Variants in DCPS observed in about 807,000 individuals in gnomAD.
DCPS encodes decapping enzyme, scavenger.
A neutral mutation model predicts 34.7 loss-of-function variants in DCPS; 27 were observed. The ratio of observed to expected loss-of-function variants is 0.78; its 90% CI spans 0.57 to 1.07. The LOEUF is 1.07. Ranked by LOEUF, DCPS falls within the 50% of genes least tolerant of loss-of-function variation. The pLI is 0.00. For synonymous variants in DCPS, 185 were observed against 185.7 expected (o/e 1.00, Z 0.03); for missense variants, 464 against 436.9 (o/e 1.06, Z -0.55).
At position 126,332,196 on chromosome 11, in the gene DCPS, G is replaced by T. The variant is rs1951799382; in HGVS notation, c.522+646G>T. 6.6e-6 allele frequency among the ~76,000 whole-genome samples: 1 copy of T among 152,202 alleles called. No homozygotes were observed. Among genetic ancestry groups the T allele is most frequent in the Admixed American group, 6.5e-5 (1 of 15,284 alleles). ...TCCCCCTTGCATTCGTCCAAAAGAA[G>T]GCAGGACCCCATTGGCCCCGGGGAT... On this transcript the variant is annotated intron_variant, in intron 3 of 5. Coordinates refer to ENST00000263579, the MANE Select transcript of DCPS (RefSeq NM_014026.6). This position sits in a 1 kb window ranked among gnomAD's most constrained non-coding sequence, Gnocchi z 5.4.
At chr11:126,324,383 C>T (rs746436806) in intron 2 of DCPS, among the ~76,000 whole-genome samples, 1 of 151,832 alleles carries the variant, frequency 6.6e-6, no homozygotes, top group Non-Finnish European at 1.5e-5. Context: ...AATAATAATG[C>T]CACACTAAAG....
intron 2 of DCPS, among the ~76,000 whole-genome samples, chr11:126,321,367 T>C (rs1162663450): frequency 6.6e-6 from 1 of 152,046 alleles, no homozygotes; most frequent in African/African-American, 2.4e-5. Flanking sequence ...GAGTGGATGT[T>C]TACACCTTGA....
intron 2 of DCPS, among the ~76,000 whole-genome samples, chr11:126,308,168 A>G (rs1195229044): frequency 6.6e-6 from 1 of 152,180 alleles, no homozygotes; most frequent in Non-Finnish European, 1.5e-5. Context: ...TGACATGTGC[A>G]TTTTTTCTCA....
rs1053440857 is a variant in DCPS at position 126,312,603 on chromosome 11, A to C, written c.376+5859A>C. Among the ~76,000 whole-genome samples, 1 of 152,090 alleles carries C rather than the reference A, an allele frequency of 6.6e-6. No individual in the cohort carries two copies. The highest frequency in any genetic ancestry group is 1.5e-5 in the Non-Finnish European group (1 of 68,026). On this transcript the variant is annotated intron_variant, in intron 2 of 5. Coordinates refer to ENST00000263579, the MANE Select transcript of DCPS (RefSeq NM_014026.6). This position sits in a 1 kb window ranked among gnomAD's most constrained non-coding sequence, Gnocchi z 5.1. ...TGATCCGCCCGCTTTGGCTGCTCAG[A>C]GTGCTGGGATTACAGGAGTGAGCCA...
Position 126,323,070 on chromosome 11 carries a change from C to T in DCPS, c.377-8335C>T, listed in dbSNP as rs1490060885. ...TCGAACTCCTGGGCTCAATAGATTT[C>T]CCCCCTGTTTCAGCCTCCCAAAGTG... On this transcript the variant is annotated intron_variant, in intron 2 of 5. Coordinates refer to ENST00000263579, the MANE Select transcript of DCPS (RefSeq NM_014026.6). The surrounding 1 kb of genome is among the most constrained non-coding windows in gnomAD (Gnocchi z 4.4). Among the ~76,000 whole-genome samples, 1 of 150,480 alleles carries T rather than the reference C, an allele frequency of 6.6e-6. No individual in the cohort carries two copies. The highest frequency in any genetic ancestry group is 2.5e-5 in the African/African-American group (1 of 39,958).
chr11:126,344,480 A>G lies in DCPS; in HGVS notation c.748-867A>G, dbSNP rs1040590884. Among the ~76,000 whole-genome samples the G allele has an allele frequency of 1.3e-5, 2 of 152,174 alleles. No homozygotes were observed. Among genetic ancestry groups the G allele is most frequent in the Non-Finnish European group, 2.9e-5 (2 of 68,028 alleles). Reference sequence around the variant, plus strand: ...CTGGCAGACAGACCTCACTTACTCCAGGAAGCCCCTCGGGTGCCTTGGCCC... The same window carrying G: ...CTGGCAGACAGACCTCACTTACTCCGGGAAGCCCCTCGGGTGCCTTGGCCC... On this transcript the variant is annotated intron_variant, in intron 5 of 5. Transcript: ENST00000263579. The surrounding 1 kb of genome is among the most constrained non-coding windows in gnomAD (Gnocchi z 8.1).
rs1378137699 is a variant in DCPS at position 126,319,689 on chromosome 11, A to T, written c.377-11716A>T. Among the ~76,000 whole-genome samples, 1 of 152,120 alleles carries T rather than the reference A, an allele frequency of 6.6e-6. No individual in the cohort carries two copies. The highest frequency in any genetic ancestry group is 1.5e-5 in the Non-Finnish European group (1 of 68,024). On this transcript the variant is annotated intron_variant, in intron 2 of 5. Transcript: ENST00000263579. The surrounding 1 kb of genome is among the most constrained non-coding windows in gnomAD (Gnocchi z 4.5). ...TCTCTAGGAAGAATTGGAACTAGTCATGTTTCTCCTATCTGATAGGGCTGC... is the reference window on the plus strand; with the variant it reads ...TCTCTAGGAAGAATTGGAACTAGTCTTGTTTCTCCTATCTGATAGGGCTGC...
In DCPS at chr11:126,343,152, C is replaced by G. The variant is rs114834951; in HGVS notation, c.637-155C>G. Among the ~76,000 whole-genome samples the G allele has an allele frequency of 1.9e-3, 288 of 152,000 alleles. 2 individuals are homozygous for G. Among genetic ancestry groups the G allele is most frequent in the African/African-American group, 6.6e-3 (273 of 41,436 alleles). On this transcript the variant is annotated intron_variant, in intron 4 of 5. Transcript: ENST00000263579. ...GTAGGCCTGCTCCTTAAGACCATCC[C>G]ACACGCCCGGGGTATGCAGATGCCC...
rs950398187 is a variant in DCPS at position 126,328,781 on chromosome 11, A to C, written c.377-2624A>C. 6.6e-6 allele frequency among the ~76,000 whole-genome samples: 1 copy of C among 152,192 alleles called. No individual in the cohort carries two copies. The highest frequency in any genetic ancestry group is 2.4e-5 in the African/African-American group (1 of 41,448). On this transcript the variant is annotated intron_variant, in intron 2 of 5. Transcript: ENST00000263579. This position sits in a 1 kb window ranked among gnomAD's most constrained non-coding sequence, Gnocchi z 6.6. ...GCCCAACCCAGGCAACGGAGGCAAC[A>C]GCGGAGAGAATCCAAGCTAGCCTGG...
In DCPS at chr11:126,319,700, A is replaced by G. The variant is rs1284521453; in HGVS notation, c.377-11705A>G. The stretch of plus-strand genomic sequence containing the variant: ...AATTGGAACTAGTCATGTTTCTCCT[A>G]TCTGATAGGGCTGCTTTTGGAAAAC... On this transcript the variant is annotated intron_variant, in intron 2 of 5. Coordinates refer to ENST00000263579, the MANE Select transcript of DCPS (RefSeq NM_014026.6). This position sits in a 1 kb window ranked among gnomAD's most constrained non-coding sequence, Gnocchi z 4.5. Among the ~76,000 whole-genome samples, 2 of 152,134 alleles carry G rather than the reference A, an allele frequency of 1.3e-5. No homozygotes were observed. The highest frequency in any genetic ancestry group is 2.9e-5 in the Non-Finnish European group (2 of 68,024).
Position 126,344,920 on chromosome 11 carries a change from AAG to A in DCPS, c.748-421_748-420del, listed in dbSNP as rs1382660312. On this transcript the variant is annotated intron_variant, in intron 5 of 5. Coordinates refer to ENST00000263579, the MANE Select transcript of DCPS (RefSeq NM_014026.6). This position sits in a 1 kb window ranked among gnomAD's most constrained non-coding sequence, Gnocchi z 8.1. ...CAAGCTCCACCCTGTGCTATGCTAA[AAG>A]AGAGAATGAGGCTTCCTCCCATCCA... Among the ~76,000 whole-genome samples the A allele has an allele frequency of 6.6e-6, 1 of 152,196 alleles. No individual in the cohort carries two copies. The highest frequency in any genetic ancestry group is 1.5e-5 in the Non-Finnish European group (1 of 68,026).
Position 126,315,010 on chromosome 11 carries a change from C to G in DCPS, c.376+8266C>G, listed in dbSNP as rs1015871724. ...AATAAAAAAATTTAAAAAAATTGCTCTACCGTAAAGACACATGCACACATA... is the reference window on the plus strand; with the variant it reads ...AATAAAAAAATTTAAAAAAATTGCTGTACCGTAAAGACACATGCACACATA... On this transcript the variant is annotated intron_variant, in intron 2 of 5. Transcript: ENST00000263579. The surrounding 1 kb of genome is among the most constrained non-coding windows in gnomAD (Gnocchi z 6.1). Among the ~76,000 whole-genome samples, 1 of 152,104 alleles carries G rather than the reference C, an allele frequency of 6.6e-6. No individual in the cohort carries two copies. Among genetic ancestry groups the G allele is most frequent in the Non-Finnish European group, 1.5e-5 (1 of 68,026 alleles).
rs1233112965 is a variant in DCPS at position 126,312,029 on chromosome 11, C to T, written c.376+5285C>T. Among the ~76,000 whole-genome samples, 1 of 152,194 alleles carries T rather than the reference C, an allele frequency of 6.6e-6. No individual in the cohort carries two copies. The highest frequency in any genetic ancestry group is 1.5e-5 in the Non-Finnish European group (1 of 68,032). ...TACTGCAACCCCTGCCTCCCGGGTTCGAGTGATTCTCCAGCCTCAGCCTCC... is the reference window on the plus strand; with the variant it reads ...TACTGCAACCCCTGCCTCCCGGGTTTGAGTGATTCTCCAGCCTCAGCCTCC... On this transcript the variant is annotated intron_variant, in intron 2 of 5. Transcript: ENST00000263579. The surrounding 1 kb of genome is among the most constrained non-coding windows in gnomAD (Gnocchi z 5.1).
rs1403431273 is a variant in DCPS, at chr11:126,332,004, C to T, written c.522+454C>T. On this transcript the variant is annotated intron_variant, in intron 3 of 5. Coordinates refer to ENST00000263579, the MANE Select transcript of DCPS (RefSeq NM_014026.6). The surrounding 1 kb of genome is among the most constrained non-coding windows in gnomAD (Gnocchi z 5.4). The stretch of plus-strand genomic sequence containing the variant: ...GAATGTGTGTCTGCTCTGCAGTAGC[C>T]TTGATCCAGCCTCGGGATGACTGTG... Among the ~76,000 whole-genome samples the T allele has an allele frequency of 6.6e-6, 1 of 152,164 alleles. No individual in the cohort carries two copies. The highest frequency in any genetic ancestry group is 1.5e-5 in the Non-Finnish European group (1 of 68,024).
intron 1 of DCPS, among the ~76,000 whole-genome samples, chr11:126,304,925 A>G (rs1322456227): frequency 6.6e-6 from 1 of 152,102 alleles, no homozygotes; most frequent in African/African-American, 2.4e-5. Flanking sequence ...CATTCCAGGA[A>G]CTAGTGAGGA....
At position 126,323,395 on chromosome 11, in the gene DCPS, A is replaced by G. The variant is rs182471251; in HGVS notation, c.377-8010A>G. On this transcript the variant is annotated intron_variant, in intron 2 of 5. Coordinates refer to ENST00000263579, the MANE Select transcript of DCPS (RefSeq NM_014026.6). This position sits in a 1 kb window ranked among gnomAD's most constrained non-coding sequence, Gnocchi z 4.4. ...GAAACATTGTGTTTATTTCCATTGTAATATTATATATGCAAGCTGATGCAT... is the reference window on the plus strand; with the variant it reads ...GAAACATTGTGTTTATTTCCATTGTGATATTATATATGCAAGCTGATGCAT... 9.8e-5 allele frequency among the ~76,000 whole-genome samples: 15 copies of G among 152,310 alleles called. No individual in the cohort carries two copies. The East Asian group carries it at 2.9e-3, about 29-fold the overall frequency.
chr11:126,311,207 A>C (rs1951616530), intron 2 of DCPS, among the ~76,000 whole-genome samples: 1 of 152,212 alleles, frequency 6.6e-6, no homozygotes, highest in African/African-American at 2.4e-5. Context: ...ATGCTTTCTC[A>C]TGGCATGCAC....
At position 126,335,750 on chromosome 11, in the gene DCPS, A is replaced by T. The variant is rs186652282; in HGVS notation, c.523-2536A>T. Among the ~76,000 whole-genome samples the T allele has an allele frequency of 4.7e-4, 71 of 152,246 alleles. No individual in the cohort carries two copies. Among genetic ancestry groups the T allele is most frequent in the Admixed American group, 8.5e-4 (13 of 15,298 alleles). ...AGACCAGCCTGGCCAACATGACGCA[A>T]CCCATCTCTACTAAAAATACAAAAA... On this transcript the variant is annotated intron_variant, in intron 3 of 5. Transcript: ENST00000263579. The surrounding 1 kb of genome is among the most constrained non-coding windows in gnomAD (Gnocchi z 4.8).
chr11:126,345,499 G>A lies in DCPS; in HGVS notation c.900G>A (p.Glu300=), dbSNP rs1951915055. Residue 300 remains glutamate, a synonymous_variant, in exon 6 of 6, where the codon GAG becomes GAA. Coordinates refer to ENST00000263579, the MANE Select transcript of DCPS (RefSeq NM_014026.6). This position sits in a 1 kb window ranked among gnomAD's most constrained non-coding sequence, Gnocchi z 7.4. ...TGGAGCGGGCCCACCTGCTGGCTGA[G>A]GTGATCGAGAACTTGGAGTGTGACC... ...SGVERAHLLA[E]VIENLECDPR... is the part of the protein sequence containing the mutation. The A allele has an allele frequency of 1.2e-6, 2 of 1,614,128 alleles. No individual in the cohort carries two copies. The highest frequency in any genetic ancestry group is 1.1e-5 in the South Asian group (1 of 91,086).
Sources: gnomAD v4.1 joint callset for allele counts (sites outside exome capture counted in the v4.1 genomes callset) on GRCh38, gnomAD v4.1.1 for gene constraint, Gnocchi (gnomAD v3.1) non-coding constraint, MANE v1.5 for transcripts, NCBI Gene and HGNC (gene_info 2026-07-23, HGNC 2026-07-21) for gene names.